The following DNAJB1 variants were observed in gnomAD, a reference collection of about 807,000 sequenced individuals.
The protein encoded by DNAJB1 is DnaJ heat shock protein family (Hsp40) member B1, also known as dnaJ homolog subfamily B member 1.
DNAJB1 carries 14 observed loss-of-function variants against 24.0 expected under a neutral mutation model. That is an observed-to-expected ratio of 0.58 (90% confidence interval 0.39 to 0.91). The LOEUF (loss-of-function observed/expected upper bound fraction) is 0.91. Among genes scored for constraint, DNAJB1 ranks in the 40% least tolerant of loss-of-function variants. The probability of loss-of-function intolerance (pLI) is 0.00; values close to 1 mark genes in which losing one functional copy is unlikely to be tolerated. For missense variants in DNAJB1, 517 were observed against 458.1 expected, an observed-to-expected ratio of 1.13 and a Z score of -1.17; for synonymous variants, 262 against 174.4, an observed-to-expected ratio of 1.50 and a Z score of -3.96.
At chr19:14,554,333 A>G (rs2073643733), upstream of DNAJB1, among the ~76,000 whole-genome samples, 1 of 152,138 alleles carries the variant, frequency 6.6e-6, no homozygotes, top group African/African-American at 2.4e-5. Context: ...GACACACAGA[A>G]GTTTCAGGTT....
At chr19:14,516,218 T>G in intron 2 of DNAJB1, 48 bp from the exon 3 acceptor site, 1 of 1,600,404 alleles carries the variant, frequency 6.2e-7, no homozygotes, top group Non-Finnish European at 8.5e-7. Context: ...CTCAAGAGGC[T>G]CAGCTCTTGC....
chr19:14,549,808 T>C (rs2073431286), intron 1 of DNAJB1, among the ~76,000 whole-genome samples: 1 of 151,876 alleles, frequency 6.6e-6, no homozygotes, highest in South Asian at 2.1e-4. Context: ...CTGGGCATGG[T>C]GGCATGCACC....
At chr19:14,528,560 C>T (rs1014153992) in intron 1 of DNAJB1, among the ~76,000 whole-genome samples, 2 of 152,082 alleles carry the variant, frequency 1.3e-5, no homozygotes, top group African/African-American at 4.8e-5. Flanking sequence ...ATTTCAAGGG[C>T]TCAGTGGCCC....
intron 1 of DNAJB1, among the ~76,000 whole-genome samples, chr19:14,548,826 T>C (rs537807491): frequency 6.6e-6 from 1 of 152,010 alleles, no homozygotes; most frequent in East Asian, 1.9e-4. Flanking sequence ...CTGCTCACTT[T>C]GGCCTCCCAA....
intron 2 of DNAJB1, among the ~76,000 whole-genome samples, chr19:14,525,804 GA>G (rs894195199): frequency 0.019 from 2,704 of 138,762 alleles, 45 homozygotes; most frequent in African/African-American, 0.053. Flanking sequence ...ACACTTCAAT[GA>G]AAAAAAAAAA....
chr19:14,522,683 G>GACACACACACACACACACACAC (rs56121204), upstream of DNAJB1, among the ~76,000 whole-genome samples: 4 of 117,868 alleles, frequency 3.4e-5, no homozygotes, highest in Admixed American at 8.6e-5. Context: ...CACACACACA[G>GACACACACACACACACACACAC]ACACACACAC....
chr19:14,539,326 C>T (rs1372061603), intron 1 of DNAJB1, among the ~76,000 whole-genome samples: 1 of 151,978 alleles, frequency 6.6e-6, no homozygotes, highest in Non-Finnish European at 1.5e-5. Context: ...CAGCTCTTTC[C>T]TTCTTCATGG....
chr19:14,553,663 C>T (rs949133818), upstream of DNAJB1, among the ~76,000 whole-genome samples: 1 of 152,116 alleles, frequency 6.6e-6, no homozygotes, highest in Non-Finnish European at 1.5e-5. Flanking sequence ...GCCGCTGAGC[C>T]GGAGTCCAGA....
upstream of DNAJB1, chr19:14,532,059 G>C (rs1350947498): frequency 1.3e-5 from 2 of 150,390 alleles, no homozygotes; most frequent in East Asian, 3.9e-4. Flanking sequence ...GAAACATGCA[G>C]TTTGGAACAT....
chr19:14,551,946 C>CCT (rs71166756), upstream of DNAJB1, among the ~76,000 whole-genome samples: 10,399 of 71,026 alleles, frequency 0.15, 848 homozygotes, highest in African/African-American at 0.17. Context: ...TCCCTCCCTC[C>CCT]CTCTCTCTCT....
At chr19:14,545,287 C>G in intron 1 of DNAJB1, 2 of 447,868 alleles carry the variant, frequency 4.5e-6, no homozygotes, top group Admixed American at 4.8e-5. Flanking sequence ...TTCCCCAAAG[C>G]TCTGTGCTAC....
At chr19:14,543,469 C>T (rs1241361275) in intron 1 of DNAJB1, among the ~76,000 whole-genome samples, 2 of 94,024 alleles carry the variant, frequency 2.1e-5, no homozygotes, top group East Asian at 7.3e-4. Context: ...GACGGAGTCT[C>T]GCTCTGTCGC....
chr19:14,524,564 G>A (rs1299577766), intron 2 of DNAJB1, among the ~76,000 whole-genome samples: 2 of 152,122 alleles, frequency 1.3e-5, no homozygotes, highest in Non-Finnish European at 2.9e-5. Flanking sequence ...AGATCTTCAA[G>A]GCTGGGTGCG....
chr19:14,521,591 C>T (rs1018151108), upstream of DNAJB1, among the ~76,000 whole-genome samples: 15 of 152,076 alleles, frequency 9.9e-5, no homozygotes, highest in African/African-American at 3.1e-4. Flanking sequence ...ACTCTCCCCT[C>T]CTTGAGTAAG....
chr19:14,557,841 T>C (rs993091613), intron 1 of DNAJB1, among the ~76,000 whole-genome samples: 3 of 151,682 alleles, frequency 2.0e-5, no homozygotes, highest in Middle Eastern at 3.4e-3. Flanking sequence ...CTGCAAGCTC[T>C]GCCTCCCGGG....
At chr19:14,544,933 C>T (rs563264443) in intron 1 of DNAJB1, among the ~76,000 whole-genome samples, 4 of 152,194 alleles carry the variant, frequency 2.6e-5, no homozygotes, top group Admixed American at 6.6e-5. Flanking sequence ...ATGCCCAGCA[C>T]GTGGCTTGTT....
At chr19:14,555,675 A>C (rs1395862772) in intron 1 of DNAJB1, among the ~76,000 whole-genome samples, 1 of 151,968 alleles carries the variant, frequency 6.6e-6, no homozygotes, top group African/African-American at 2.4e-5. Context: ...TCCTGACCTC[A>C]GGTGATCTGC....
In DNAJB1 at chr19:14,541,534, C is replaced by T. The variant is rs1009494249; in HGVS notation, c.-214+8674G>A. Among the ~76,000 whole-genome samples, 5 of 152,198 alleles carry T rather than the reference C, an allele frequency of 3.3e-5. No homozygotes were observed. In the South Asian group the frequency reaches 6.2e-4, roughly 19 times the overall value. On this transcript the variant is annotated intron_variant, in intron 1 of 3. Transcript: ENST00000676982. ...TCATTTGTTCCAACATGTTTTTTCC[C>T]TCTTATCAATGCTAAGAATCGTGGG... is the stretch of plus-strand genomic sequence containing the variant.
rs116519330 is a variant in DNAJB1, at chr19:14,517,271, G to A, written c.212-225C>T. On this transcript the variant is annotated intron_variant, in intron 1 of 2. Transcript: ENST00000254322. ...CTGACAGTGGAAAAGGACTCATGCGGTTAGGTGTTCACCTCCAGGTGCCAC... is the reference window on the plus strand; with the variant it reads ...CTGACAGTGGAAAAGGACTCATGCGATTAGGTGTTCACCTCCAGGTGCCAC... The A allele has an allele frequency of 6.8e-3, 3,641 of 537,720 alleles. 74 individuals carry two copies. Among genetic ancestry groups the A allele is most frequent in the African/African-American group, 0.05 (2,644 of 52,926 alleles). The allele number at this position is 537,720 out of a possible 1,614,324, so 33.3% of individuals were successfully genotyped here. A position where few individuals can be genotyped will look rare whatever the true frequency, so the allele number is the denominator to read the frequency against.
Sources: allele counts gnomAD v4.1 joint callset (sites outside exome capture counted in the v4.1 genomes callset), GRCh38; gene constraint gnomAD v4.1.1; transcripts MANE v1.5; gene names NCBI Gene and HGNC (gene_info 2026-07-23, HGNC 2026-07-21).